The following SYK variants were observed in gnomAD, a reference collection of about 807,000 sequenced individuals.
SYK encodes tyrosine-protein kinase SYK.
A neutral mutation model predicts 77.8 loss-of-function variants in SYK; 16 were observed. The observed-to-expected ratio is 0.21, with a 90% CI of 0.14 to 0.31. SYK has a LOEUF of 0.31. Among genes scored for constraint, SYK ranks in the 10% least tolerant of loss-of-function variants. SYK has a pLI of 1.00. For synonymous variants in SYK, 312 were observed against 308.7 expected (o/e 1.01, Z -0.11); for missense variants, 529 against 814.4 (o/e 0.65, Z 4.26).
rs182800414 is a variant in SYK, at chr9:90,887,947, G to A, written c.1722+58G>A. On this transcript the variant is annotated intron_variant, in intron 12 of 13. Coordinates refer to ENST00000375754, the MANE Select transcript of SYK (RefSeq NM_003177.7). The stretch of plus-strand genomic sequence containing the variant: ...GGGCCATTAGAACAGATAAGCACCA[G>A]ATTGTCTTTACAACAACCTGAAAAT... The A allele has an allele frequency of 8.9e-4, 1,314 of 1,473,968 alleles. 3 individuals are homozygous for A. The highest frequency in any genetic ancestry group is 1.3e-3 in the Admixed American group (53 of 40,442). 91.3% of individuals were successfully genotyped at this position (1,473,968 alleles called of 1,614,324 possible). A position where few individuals can be genotyped will look rare whatever the true frequency, so the allele number is the denominator to read the frequency against.
intron 13 of SYK, among the ~76,000 whole-genome samples, chr9:90,892,456 T>C (rs1385991662): frequency 6.6e-6 from 1 of 152,218 alleles, no homozygotes; most frequent in Non-Finnish European, 1.5e-5. Context: ...AACTACAATG[T>C]ATCCAATATT....
chr9:90,890,955 A>G (rs10993746), intron 13 of SYK, among the ~76,000 whole-genome samples: 11,445 of 152,228 alleles, frequency 0.075, 490 homozygotes, highest in East Asian at 0.17. Flanking sequence ...AAGGGCTCCC[A>G]AGTGGTTCTT....
At chr9:90,854,181 G>T (rs997934663) in intron 3 of SYK, among the ~76,000 whole-genome samples, 5 of 152,192 alleles carry the variant, frequency 3.3e-5, no homozygotes, top group African/African-American at 1.2e-4. Context: ...GGAGGGATTG[G>T]CACGTGGCTG....
At chr9:90,825,392 G>A (rs1219023772) in intron 1 of SYK, among the ~76,000 whole-genome samples, 1 of 152,160 alleles carries the variant, frequency 6.6e-6, no homozygotes, top group East Asian at 1.9e-4. Flanking sequence ...ACTTGGGAAG[G>A]TAAAAGATCT....
intron 1 of SYK, among the ~76,000 whole-genome samples, chr9:90,834,681 T>G (rs1043978980): frequency 6.6e-6 from 1 of 152,238 alleles, no homozygotes; most frequent in African/African-American, 2.4e-5. Context: ...CCACATGTGG[T>G]CCAGGATAGC....
chr9:90,815,810 G>A (rs183123063), intron 1 of SYK, among the ~76,000 whole-genome samples: 4 of 152,304 alleles, frequency 2.6e-5, no homozygotes, highest in Admixed American at 1.3e-4. Context: ...GGGAGCCTGC[G>A]CTGCTGCTCA....
At chr9:90,877,376 C>T (rs1441610656) in intron 9 of SYK, among the ~76,000 whole-genome samples, 195 bp from the exon 10 acceptor site, 1 of 152,212 alleles carries the variant, frequency 6.6e-6, no homozygotes, top group East Asian at 1.9e-4. Context: ...GAGTATTACT[C>T]TCATTGTCTA....
At chr9:90,808,500 TAAG>T in intron 1 of SYK, among the ~76,000 whole-genome samples, 1 of 151,716 alleles carries the variant, frequency 6.6e-6, no homozygotes. Context: ...ATTAGTCTTT[TAAG>T]GCTGCATTCT....
chr9:90,824,420 A>G (rs1825606778), intron 1 of SYK, among the ~76,000 whole-genome samples: 2 of 152,180 alleles, frequency 1.3e-5, no homozygotes, highest in South Asian at 4.1e-4. Context: ...AAACCAGTTA[A>G]GGCATTACAA....
At position 90,887,924 on chromosome 9, in the gene SYK, G is replaced by T. The variant is rs773162317; in HGVS notation, c.1722+35G>T. Reference sequence around the variant, plus strand: ...TCCTGCTTCATTTTCTCACTGTGGGGCCATTAGAACAGATAAGCACCAGAT... The same window carrying T: ...TCCTGCTTCATTTTCTCACTGTGGGTCCATTAGAACAGATAAGCACCAGAT... On this transcript the variant is annotated intron_variant, in intron 12 of 13. Transcript: ENST00000375754. 1.9e-6 allele frequency: 3 copies of T among 1,551,610 alleles called. No homozygotes were observed. In the Admixed American group the frequency reaches 5.7e-5, roughly 30 times the overall value.
intron 1 of SYK, among the ~76,000 whole-genome samples, chr9:90,811,805 G>A (rs1223658409): frequency 6.6e-6 from 1 of 151,514 alleles, no homozygotes; most frequent in African/African-American, 2.4e-5. Flanking sequence ...TGCACCTGTA[G>A]TCCCAGCTAC....
At chr9:90,885,485 T>C (rs1377911163) in intron 11 of SYK, among the ~76,000 whole-genome samples, 1 of 151,542 alleles carries the variant, frequency 6.6e-6, no homozygotes, top group Admixed American at 6.6e-5. Flanking sequence ...CAGACAAAAA[T>C]AAAGAGAAAA....
In SYK at chr9:90,859,628, G is replaced by A. The variant is rs923515204; in HGVS notation, c.579-2578G>A. Among the ~76,000 whole-genome samples the A allele has an allele frequency of 3.3e-5, 5 of 152,184 alleles. 1 individual carries two copies. The highest frequency in any genetic ancestry group is 1.2e-4 in the African/African-American group (5 of 41,440). On this transcript the variant is annotated intron_variant, in intron 3 of 13. Coordinates refer to ENST00000375754, the MANE Select transcript of SYK (RefSeq NM_003177.7). The stretch of plus-strand genomic sequence containing the variant: ...AGGGGTGGAATTGCTCATTCACGAG[G>A]TCTGTGAATGAATAAGTTCAGTTTC...
At chr9:90,841,406 G>A (rs909876750) in intron 1 of SYK, among the ~76,000 whole-genome samples, 1 of 144,864 alleles carries the variant, frequency 6.9e-6, no homozygotes, top group African/African-American at 2.4e-5. Flanking sequence ...TATGACGTGT[G>A]CAGTGTGTGT....
At chr9:90,816,111 AT>A (rs1476676058) in intron 1 of SYK, among the ~76,000 whole-genome samples, 2 of 152,168 alleles carry the variant, frequency 1.3e-5, no homozygotes, top group Non-Finnish European at 2.9e-5. Context: ...GAGCTTACTA[AT>A]GGAAGCAGGA....
At chr9:90,826,330 G>A (rs1825665068) in intron 1 of SYK, among the ~76,000 whole-genome samples, 1 of 152,274 alleles carries the variant, frequency 6.6e-6, no homozygotes, top group South Asian at 2.1e-4. Flanking sequence ...GTGCACATCA[G>A]TTGATAACCT....
chr9:90,884,153 G>GTATATA lies in SYK; in HGVS notation c.1582-3593_1582-3588dup, dbSNP rs80244810. On this transcript the variant is annotated intron_variant, in intron 11 of 13. Transcript: ENST00000375754. ...GCCCTACATATATATATGTGTGTGT[G>GTATATA]TATATATACACACATACACATACGT... is the stretch of plus-strand genomic sequence containing the variant. Among the ~76,000 whole-genome samples the GTATATA allele has an allele frequency of 6.0e-3, 601 of 100,794 alleles. 66 individuals carry two copies. The highest frequency in any genetic ancestry group is 0.017 in the Middle Eastern group (3 of 174). 66.1% of individuals were successfully genotyped at this position (100,794 alleles called of 152,430 possible).
intron 1 of SYK, among the ~76,000 whole-genome samples, chr9:90,804,244 A>T (rs778137129): frequency 3.9e-5 from 6 of 152,242 alleles, no homozygotes; most frequent in Admixed American, 1.3e-4. Flanking sequence ...AAATAGAGGT[A>T]CTTCAAGTAA....
chr9:90,887,074 G>A (rs1828605084), intron 11 of SYK, among the ~76,000 whole-genome samples: 1 of 152,206 alleles, frequency 6.6e-6, no homozygotes, highest in Non-Finnish European at 1.5e-5. Context: ...GTCATTTACT[G>A]AGTGTACACC....
Sources: gnomAD v4.1 joint callset for allele counts (sites outside exome capture counted in the v4.1 genomes callset) on GRCh38, gnomAD v4.1.1 for gene constraint, MANE v1.5 for transcripts, NCBI Gene and HGNC (gene_info 2026-07-23, HGNC 2026-07-21) for gene names.